Variants in SLC35F2 observed in about 807,000 individuals in gnomAD.
SLC35F2 encodes the protein solute carrier family 35 member F2, also known as queuine/queuosine transporter SLC35F2.
In SLC35F2, 25 loss-of-function variants were observed where a neutral mutation model predicts 38.1. The observed-to-expected ratio is 0.66, with a 90% CI of 0.48 to 0.92. SLC35F2 has a LOEUF of 0.92. Among genes scored for constraint, SLC35F2 ranks in the 40% least tolerant of loss-of-function variants. The probability of loss-of-function intolerance (pLI) is 0.00; values close to 1 mark genes in which losing one functional copy is unlikely to be tolerated. For missense variants in SLC35F2, 409 were observed against 452.9 expected, an observed-to-expected ratio of 0.90 and a Z score of 0.88; for synonymous variants, 173 against 181.7, an observed-to-expected ratio of 0.95 and a Z score of 0.38.
chr11:107,858,661 G>A lies in SLC35F2; in HGVS notation c.107C>T (p.Thr36Ile), dbSNP rs760597780. ...LLRRIKGKLF[T>I]WNILKTIALG... ...GCAGCACGCCCCTTCCACTCACCAG[G>A]TGAAGAGTTTGCCTTTTATCCTGCG... is the stretch of plus-strand genomic sequence containing the variant. Residue 36 changes from threonine (T) to isoleucine (I), a missense_variant, in exon 1 of 8, where the codon ACC (threonine) becomes ATC (isoleucine). Physicochemically the swap from Thr to Ile is moderately conservative, Grantham distance 89 (BLOSUM62 -1). Transcript: ENST00000525815. The A allele has an allele frequency of 2.3e-5, 30 of 1,298,126 alleles. 1 individual carries two copies. The Middle Eastern group carries it at 6.1e-4, about 27-fold the overall frequency. The allele number at this position is 1,298,126 out of a possible 1,614,324, so 80.4% of individuals were successfully genotyped here.
intron 2 of SLC35F2, among the ~76,000 whole-genome samples, chr11:107,812,500 G>A (rs1591191389): frequency 6.7e-6 from 1 of 148,646 alleles, no homozygotes; most frequent in East Asian, 2.1e-4. Context: ...TACATAATGA[G>A]ACTCCACCTC....
chr11:107,830,072 G>A (rs1048922287), intron 1 of SLC35F2, among the ~76,000 whole-genome samples: 4 of 151,534 alleles, frequency 2.6e-5, no homozygotes, highest in African/African-American at 9.7e-5. Flanking sequence ...GACCAGCCTG[G>A]GCAAAATAGC....
chr11:107,801,844 A>C (rs1330608317), intron 7 of SLC35F2, among the ~76,000 whole-genome samples: 2 of 152,228 alleles, frequency 1.3e-5, no homozygotes, highest in African/African-American at 4.8e-5. Context: ...AAGACTGACA[A>C]CTAAGACTTA....
At chr11:107,823,392 A>G (rs1257987292) in intron 1 of SLC35F2, among the ~76,000 whole-genome samples, 1 of 152,232 alleles carries the variant, frequency 6.6e-6, no homozygotes, top group Non-Finnish European at 1.5e-5. Context: ...GCAGGATTTC[A>G]TATTAGTGCT....
intron 1 of SLC35F2, chr11:107,816,288 C>CT (rs919254180): frequency 0.018 from 11,062 of 625,634 alleles, 32 homozygotes; most frequent in African/African-American, 0.047. Flanking sequence ...GTGTGTATGA[C>CT]TTTTTTTTTT....
chr11:107,794,595 T>C (rs1269289728), intron 7 of SLC35F2, among the ~76,000 whole-genome samples: 1 of 152,138 alleles, frequency 6.6e-6, no homozygotes, highest in Non-Finnish European at 1.5e-5. Flanking sequence ...GTAGCTAACA[T>C]CATACTGAAT....
intron 1 of SLC35F2, among the ~76,000 whole-genome samples, chr11:107,846,620 T>C (rs1057125501): frequency 2.0e-4 from 31 of 152,284 alleles, no homozygotes; most frequent in African/African-American, 7.5e-4. Flanking sequence ...ATAAATAGTG[T>C]CATTCAACTA....
intron 7 of SLC35F2, among the ~76,000 whole-genome samples, chr11:107,797,927 G>A (rs73544953): frequency 6.6e-6 from 1 of 152,028 alleles, no homozygotes; most frequent in Non-Finnish European, 1.5e-5. Context: ...TTGATTCAGA[G>A]AATATTAGGG....
rs150423791 is a variant in SLC35F2, at chr11:107,806,566, C to A, written c.574+151G>T. The A allele has an allele frequency of 5.3e-5, 37 of 696,696 alleles. No homozygotes were observed. The East Asian group carries it at 9.9e-4, about 19-fold the overall frequency. The allele number at this position is 696,696 out of a possible 1,614,324, so 43.2% of individuals were successfully genotyped here. The stretch of plus-strand genomic sequence containing the variant: ...CCTCAATTAGATTTTATACTATCAA[C>A]TGAATTCAACACAAAGTGTGGCAAA... On this transcript the variant is annotated intron_variant, in intron 4 of 7. Coordinates refer to ENST00000525815, the MANE Select transcript of SLC35F2 (RefSeq NM_017515.5).
At chr11:107,839,675 C>T (rs182552914) in intron 1 of SLC35F2, among the ~76,000 whole-genome samples, 46 of 152,244 alleles carry the variant, frequency 3.0e-4, no homozygotes, top group Non-Finnish European at 5.3e-4. Context: ...CTTTTTGAGA[C>T]GGAGTTTCGC....
At chr11:107,809,329 C>CAAA (rs61511493) in intron 3 of SLC35F2, among the ~76,000 whole-genome samples, 12 of 96,118 alleles carry the variant, frequency 1.2e-4, no homozygotes, top group South Asian at 4.0e-4. Context: ...ACTCAAAATA[C>CAAA]AAAAAAAAAA....
intron 1 of SLC35F2, among the ~76,000 whole-genome samples, chr11:107,835,842 T>C (rs1222557968): frequency 6.6e-6 from 1 of 152,126 alleles, no homozygotes. Flanking sequence ...AGAAGAATAG[T>C]AAAGCAACAA....
rs138313800 is a variant in SLC35F2 at position 107,842,997 on chromosome 11, G to GC, written c.110+15660dup. ...GAGTCAAAGTGAGTGTTTGTATACAGCATCAGCACCTGCAACAATATGAAT... is the reference window on the plus strand; with the variant it reads ...GAGTCAAAGTGAGTGTTTGTATACAGCCATCAGCACCTGCAACAATATGAAT... On this transcript the variant is annotated intron_variant, in intron 1 of 7. Transcript: ENST00000525815. Among the ~76,000 whole-genome samples, 1,185 of 152,290 alleles carry GC rather than the reference G, an allele frequency of 7.8e-3. 16 individuals carry two copies. Among genetic ancestry groups the GC allele is most frequent in the African/African-American group, 0.027 (1,118 of 41,564 alleles).
At chr11:107,852,035 T>C (rs182775319) in intron 1 of SLC35F2, among the ~76,000 whole-genome samples, 1 of 152,190 alleles carries the variant, frequency 6.6e-6, no homozygotes, top group Admixed American at 6.5e-5. Context: ...TTCAAAAATG[T>C]CTAGGACTTT....
rs71464784 is a variant in SLC35F2, at chr11:107,856,888, G to A, written c.110+1770C>T. Among the ~76,000 whole-genome samples the A allele has an allele frequency of 9.3e-3, 975 of 104,506 alleles. 15 individuals are homozygous for A. The highest frequency in any genetic ancestry group is 0.016 in the African/African-American group (433 of 26,854). 68.6% of individuals were successfully genotyped at this position (104,506 alleles called of 152,430 possible). A position where few individuals can be genotyped will look rare whatever the true frequency, so the allele number is the denominator to read the frequency against. On this transcript the variant is annotated intron_variant, in intron 1 of 7. Coordinates refer to ENST00000525815, the MANE Select transcript of SLC35F2 (RefSeq NM_017515.5). ...GAAGGAAGGCAGGAAGGAAGGAAGG[G>A]AGGGAGGGAAGGAAGGAAGGGAGGG...
At chr11:107,821,082 T>C (rs964760813) in intron 1 of SLC35F2, among the ~76,000 whole-genome samples, 3 of 151,852 alleles carry the variant, frequency 2.0e-5, no homozygotes, top group East Asian at 1.9e-4. Context: ...CATGGGGGAG[T>C]TGGATGTCCA....
intron 1 of SLC35F2, among the ~76,000 whole-genome samples, chr11:107,818,110 AAGAAAGAAAGAAAG>A (rs1565433253): frequency 7.4e-6 from 1 of 135,386 alleles, no homozygotes; most frequent in African/African-American, 3.3e-5. Context: ...GAAAGAAAGA[AAGAAAGAAAGAAAG>A]AAAGAAAGAA....
At chr11:107,798,031 T>G (rs1316411601) in intron 7 of SLC35F2, among the ~76,000 whole-genome samples, 4 of 152,174 alleles carry the variant, frequency 2.6e-5, no homozygotes, top group Non-Finnish European at 4.4e-5. Flanking sequence ...TGAGACAGAG[T>G]CTTGCTCTAT....
rs1439908356 is a variant in SLC35F2, at chr11:107,806,804, T to C, written c.487A>G (p.Ile163Val). ...WFILHARYRVIHFIAVAVCLL... is the reference protein window; with the variant it reads ...WFILHARYRVVHFIAVAVCLL... ...CAGACAGCCACGGCGATGAAGTGGA[T>C]CACTCTGTATCTTGCATGAAGAATA... Residue 163 changes from isoleucine to valine, a missense_variant, in exon 4 of 8, where the codon ATC (isoleucine) becomes GTC (valine). Ile to Val is a conservative substitution (Grantham distance 29, BLOSUM62 3). Coordinates refer to ENST00000525815, the MANE Select transcript of SLC35F2 (RefSeq NM_017515.5). 5 of 1,613,992 alleles carry C rather than the reference T, an allele frequency of 3.1e-6. No individual in the cohort carries two copies. Among genetic ancestry groups the C allele is most frequent in the Non-Finnish European group, 3.4e-6 (4 of 1,179,982 alleles).
Sources: allele counts gnomAD v4.1 joint callset (sites outside exome capture counted in the v4.1 genomes callset), GRCh38; gene constraint gnomAD v4.1.1; transcripts MANE v1.5; gene names NCBI Gene and HGNC (gene_info 2026-07-23, HGNC 2026-07-21).